The following ANO4 variants were observed in gnomAD, a reference collection of about 807,000 sequenced individuals.
ANO4 encodes the protein anoctamin 4, also known as anoctamin-4.
In ANO4, 69 loss-of-function variants were observed where a neutral mutation model predicts 141.9. That is an observed-to-expected ratio of 0.49 (90% CI 0.40 to 0.59). ANO4 has a LOEUF of 0.59. ANO4 is among the 20% of genes least tolerant of loss of function. The pLI, the probability that ANO4 is intolerant of heterozygous loss-of-function variation, is 0.00. For synonymous variants in ANO4, 350 were observed against 394.3 expected (o/e 0.89, Z 1.33); for missense variants, 894 against 1,162.2 (o/e 0.77, Z 3.36).
chr12:101,032,223 C>G (rs1593069861), intron 9 of ANO4, among the ~76,000 whole-genome samples: 1 of 152,054 alleles, frequency 6.6e-6, no homozygotes, highest in Non-Finnish European at 1.5e-5. Flanking sequence ...GATAATGGTA[C>G]CAAAACAGAC....
chr12:100,869,300 G>A (rs560495714), intron 1 of ANO4, among the ~76,000 whole-genome samples: 5 of 152,142 alleles, frequency 3.3e-5, no homozygotes, highest in Admixed American at 6.6e-5. Flanking sequence ...AGGGATGTAG[G>A]CTGTCTCATA....
At chr12:101,052,528 A>G (rs1366498830) in intron 14 of ANO4, among the ~76,000 whole-genome samples, 1 of 152,060 alleles carries the variant, frequency 6.6e-6, no homozygotes, top group Non-Finnish European at 1.5e-5. Context: ...TAGGATTGCC[A>G]AAAGTTAAGT....
At chr12:101,097,762 T>C (rs1212163642) in intron 20 of ANO4, 54 bp downstream of exon 20, 1 of 1,607,958 alleles carries the variant, frequency 6.2e-7, no homozygotes, top group Non-Finnish European at 8.5e-7. Flanking sequence ...TAAACAGCCT[T>C]AGGGCAACTT....
At position 100,971,442 on chromosome 12, in the gene ANO4, T is replaced by G. The variant is rs1195901852; in HGVS notation, c.557+36T>G. On this transcript the variant is annotated intron_variant, in intron 6 of 27. Transcript: ENST00000392977. ...ATGTATTTTATTCCACTCTCTCTGC[T>G]GCTTCACTGTAAATCTAATGTTCTC... 2.1e-6 allele frequency: 3 copies of G among 1,401,004 alleles called. No homozygotes were observed. In the South Asian group the frequency reaches 3.6e-5, roughly 17 times the overall value. 86.8% of individuals were successfully genotyped at this position (1,401,004 alleles called of 1,614,324 possible).
chr12:100,974,351 CAT>C (rs765969900), intron 6 of ANO4, among the ~76,000 whole-genome samples: 1 of 151,486 alleles, frequency 6.6e-6, no homozygotes, highest in Non-Finnish European at 1.5e-5. Flanking sequence ...TTGTGAAATA[CAT>C]ATATATATAT....
At chr12:100,804,075 A>G (rs2034852174) in intron 1 of ANO4, among the ~76,000 whole-genome samples, 1 of 152,046 alleles carries the variant, frequency 6.6e-6, no homozygotes, top group Non-Finnish European at 1.5e-5. Context: ...TAAGCCCAGC[A>G]TCCATTAGCT....
chr12:101,120,489 T>C (rs780560244), intron 25 of ANO4, 31 bp from the exon 26 acceptor site: 3 of 1,573,774 alleles, frequency 1.9e-6, no homozygotes, highest in Admixed American at 3.3e-5. Flanking sequence ...AAATCATAGT[T>C]TGAATGCAAC....
At chr12:100,956,821 G>A (rs2043192041) in intron 5 of ANO4, among the ~76,000 whole-genome samples, 1 of 152,176 alleles carries the variant, frequency 6.6e-6, no homozygotes, top group South Asian at 2.1e-4. Flanking sequence ...CTCCAGTCAA[G>A]TGAAAAACTG....
intron 5 of ANO4, among the ~76,000 whole-genome samples, chr12:100,951,939 CCTT>C (rs2042985774): frequency 6.6e-6 from 1 of 152,164 alleles, no homozygotes; most frequent in South Asian, 2.1e-4. Flanking sequence ...AGTAGCACCT[CCTT>C]CAAGTAATGA....
chr12:100,774,018 T>A (rs963271660), intron 3 of ANO4, among the ~76,000 whole-genome samples: 1 of 152,210 alleles, frequency 6.6e-6, no homozygotes, highest in Non-Finnish European at 1.5e-5. Flanking sequence ...AATGGCAGAG[T>A]TGAGTAGTTG....
intron 1 of ANO4, among the ~76,000 whole-genome samples, chr12:100,854,808 T>C (rs1395863710): frequency 6.6e-6 from 1 of 152,198 alleles, no homozygotes; most frequent in African/African-American, 2.4e-5. Context: ...CATTTCCTTT[T>C]GTGTTTCATA....
intron 3 of ANO4, among the ~76,000 whole-genome samples, chr12:100,775,353 A>G (rs2033463940): frequency 1.3e-5 from 2 of 152,206 alleles, no homozygotes; most frequent in Admixed American, 1.3e-4. Flanking sequence ...ATAGACCCAA[A>G]CTGAGACCCT....
At chr12:100,853,981 T>TATCTC (rs1226353031) in intron 1 of ANO4, among the ~76,000 whole-genome samples, 2 of 152,172 alleles carry the variant, frequency 1.3e-5, no homozygotes, top group Non-Finnish European at 2.9e-5. Flanking sequence ...ACAACCAGTT[T>TATCTC]ATTTATGTAT....
intron 7 of ANO4, among the ~76,000 whole-genome samples, chr12:100,985,075 A>C (rs2044649273): frequency 6.6e-6 from 1 of 152,244 alleles, no homozygotes; most frequent in Admixed American, 6.5e-5. Flanking sequence ...TGTGGGAGGT[A>C]AAAGCTCTAT....
intron 5 of ANO4, among the ~76,000 whole-genome samples, chr12:100,964,164 T>G (rs1336204162): frequency 1.3e-5 from 2 of 152,054 alleles, no homozygotes; most frequent in Non-Finnish European, 2.9e-5. Context: ...TGGAATTGAG[T>G]TCATGAGCAA....
chr12:101,058,269 G>A (rs538488696), intron 14 of ANO4, among the ~76,000 whole-genome samples: 1 of 152,284 alleles, frequency 6.6e-6, no homozygotes, highest in East Asian at 1.9e-4. Context: ...CTGTAGCCTT[G>A]TAGTATAGTT....
chr12:100,910,247 A>T (rs1350133188), intron 2 of ANO4, among the ~76,000 whole-genome samples: 2 of 152,190 alleles, frequency 1.3e-5, no homozygotes, highest in Admixed American at 1.3e-4. Context: ...TCTTGTCACC[A>T]ACATGATAAG....
intron 10 of ANO4, 39 bp from the exon 11 acceptor site, chr12:101,039,916 G>C: frequency 6.3e-7 from 1 of 1,577,718 alleles, no homozygotes; most frequent in Non-Finnish European, 8.6e-7. Context: ...TGTGACTTTT[G>C]TGAGTACTAC....
At chr12:101,008,849 T>C (rs1030335509) in intron 8 of ANO4, among the ~76,000 whole-genome samples, 1 of 152,172 alleles carries the variant, frequency 6.6e-6, no homozygotes, top group African/African-American at 2.4e-5. Flanking sequence ...AACTCTTGCC[T>C]TCCGCTCCTG....
Sources: allele counts gnomAD v4.1 joint callset (sites outside exome capture counted in the v4.1 genomes callset), GRCh38; gene constraint gnomAD v4.1.1; transcripts MANE v1.5; gene names NCBI Gene and HGNC (gene_info 2026-07-23, HGNC 2026-07-21).